Variants in GLIS3 observed in about 807,000 individuals in gnomAD.
The protein encoded by GLIS3 is GLIS family zinc finger 3.
In GLIS3, 53 loss-of-function variants were observed where a neutral mutation model predicts 78.6. The observed-to-expected ratio is 0.67, with a 90% CI of 0.54 to 0.85. The LOEUF is 0.85. Among genes scored for constraint, GLIS3 ranks in the 40% least tolerant of loss-of-function variants. GLIS3 has a pLI of 0.00. For synonymous variants in GLIS3, 684 were observed against 509.9 expected (o/e 1.34, Z -4.60); for missense variants, 1,703 against 1,231.1 (o/e 1.38, Z -5.74).
chr9:4,452,485 C>G, the GLIS3 span, among the ~76,000 whole-genome samples: 1 of 152,176 alleles, frequency 6.6e-6, no homozygotes, highest in African/African-American at 2.4e-5. Flanking sequence ...TCTCGGGATA[C>G]AAACTCAATG....
At chr9:4,081,014 G>A (rs866698492) in intron 4 of GLIS3, among the ~76,000 whole-genome samples, 3 of 152,188 alleles carry the variant, frequency 2.0e-5, no homozygotes, top group East Asian at 1.9e-4. Flanking sequence ...TCCACAGGGC[G>A]TTTTTCCAGT....
At chr9:3,994,027 C>T (rs1180047762) in intron 4 of GLIS3, among the ~76,000 whole-genome samples, 2 of 152,196 alleles carry the variant, frequency 1.3e-5, no homozygotes, top group East Asian at 1.9e-4. Context: ...CAGATTTCTG[C>T]GTCCCACCCT....
At chr9:4,074,789 G>A (rs1827908485) in intron 4 of GLIS3, among the ~76,000 whole-genome samples, 1 of 152,140 alleles carries the variant, frequency 6.6e-6, no homozygotes, top group African/African-American at 2.4e-5. Flanking sequence ...CACTTCCAAA[G>A]CCACCATGAT....
At chr9:4,090,214 T>C (rs996552632) in intron 4 of GLIS3, among the ~76,000 whole-genome samples, 1 of 152,126 alleles carries the variant, frequency 6.6e-6, no homozygotes, top group African/African-American at 2.4e-5. Context: ...CTGTCCTCAT[T>C]ATCTTTTGGG....
chr9:4,205,037 G>C (rs913976053), intron 2 of GLIS3, among the ~76,000 whole-genome samples: 1 of 151,916 alleles, frequency 6.6e-6, no homozygotes, highest in African/African-American at 2.4e-5. Flanking sequence ...TTAGCTGGGC[G>C]TGGTGGTTCA....
intron 4 of GLIS3, among the ~76,000 whole-genome samples, chr9:4,043,416 A>C (rs1416613602): frequency 6.6e-6 from 1 of 151,936 alleles, no homozygotes; most frequent in East Asian, 1.9e-4. Flanking sequence ...AGCAGTTCTG[A>C]TTGAGCTGTG....
intron 4 of GLIS3, among the ~76,000 whole-genome samples, chr9:4,039,392 A>ATC (rs904289583): frequency 2.6e-5 from 4 of 151,874 alleles, no homozygotes; most frequent in African/African-American, 9.7e-5. Flanking sequence ...GTATCCAAGC[A>ATC]TCTCTCTCTC....
chr9:4,072,019 T>C (rs78664939), intron 4 of GLIS3: 1 of 152,170 alleles, frequency 6.6e-6, no homozygotes, highest in African/African-American at 2.4e-5. Flanking sequence ...CTGTACAACA[T>C]AAAAGATGGA....
chr9:4,255,996 A>G (rs910898862), intron 2 of GLIS3, among the ~76,000 whole-genome samples: 6 of 152,168 alleles, frequency 3.9e-5, no homozygotes, highest in Admixed American at 2.0e-4. Flanking sequence ...CTGTTGCTCA[A>G]TTTTGCTGTG....
At position 4,087,951 on chromosome 9, in the gene GLIS3, T is replaced by C. The variant is rs1025388581; in HGVS notation, c.1710+29817A>G. On this transcript the variant is annotated intron_variant, in intron 4 of 10. Transcript: ENST00000381971. Reference sequence around the variant, plus strand: ...ATTATGGTTAGTTATGTACATGGATTGGCCCCCAATGAACTTTAGACTTCC... The same window carrying C: ...ATTATGGTTAGTTATGTACATGGATCGGCCCCCAATGAACTTTAGACTTCC... Among the ~76,000 whole-genome samples the C allele has an allele frequency of 1.3e-5, 2 of 152,226 alleles. 1 individual carries two copies. Among genetic ancestry groups the C allele is most frequent in the African/African-American group, 4.8e-5 (2 of 41,458 alleles).
intron 4 of GLIS3, among the ~76,000 whole-genome samples, chr9:4,047,710 C>T (rs937632023): frequency 3.9e-5 from 6 of 152,088 alleles, no homozygotes; most frequent in African/African-American, 9.7e-5. Context: ...AGGTGGGAGT[C>T]GGCTCAGTGT....
chr9:4,157,383 TG>T (rs1835117939), intron 2 of GLIS3, among the ~76,000 whole-genome samples: 1 of 152,190 alleles, frequency 6.6e-6, no homozygotes, highest in African/African-American at 2.4e-5. Context: ...GGCACGATTT[TG>T]CATGTAGTTG....
the GLIS3 span, among the ~76,000 whole-genome samples, chr9:4,385,051 G>A: frequency 1.3e-5 from 2 of 152,182 alleles, no homozygotes; most frequent in Non-Finnish European, 2.9e-5. Context: ...TAAAACAATA[G>A]TGGAGCAATA....
chr9:4,416,256 A>ATTT, the GLIS3 span, among the ~76,000 whole-genome samples: 2 of 145,636 alleles, frequency 1.4e-5, no homozygotes, highest in African/African-American at 2.5e-5. Context: ...TGTTTTTAAA[A>ATTT]AAAAAAAAAA....
At chr9:4,397,144 G>A in the GLIS3 span, among the ~76,000 whole-genome samples, 17 of 138,138 alleles carry the variant, frequency 1.2e-4, no homozygotes, top group Admixed American at 7.2e-4. Flanking sequence ...TCCTGCCTCA[G>A]CCTCCCGAGT....
At chr9:3,953,784 T>TA in intron 4 of GLIS3, among the ~76,000 whole-genome samples, 1 of 40,756 alleles carries the variant, frequency 2.5e-5, no homozygotes, top group African/African-American at 9.2e-5. Context: ...TCTCTCTCTC[T>TA]CTCTCTCTCT....
At chr9:4,299,018 A>G (rs189774571) in intron 1 of GLIS3, among the ~76,000 whole-genome samples, 1 of 152,066 alleles carries the variant, frequency 6.6e-6, no homozygotes, top group African/African-American at 2.4e-5. Flanking sequence ...GGGACTCCAG[A>G]GTGGTGCGCC....
At chr9:4,207,197 C>T (rs940269331) in intron 2 of GLIS3, among the ~76,000 whole-genome samples, 1 of 152,170 alleles carries the variant, frequency 6.6e-6, no homozygotes, top group Non-Finnish European at 1.5e-5. Context: ...CCTCCCCTCC[C>T]GACACAGAGC....
At chr9:3,911,988 G>C (rs1457738573) in intron 6 of GLIS3, among the ~76,000 whole-genome samples, 2 of 152,142 alleles carry the variant, frequency 1.3e-5, no homozygotes, top group African/African-American at 2.4e-5. Flanking sequence ...CATGGCAAGA[G>C]GAAAAGGATG....
Sources: allele counts gnomAD v4.1 joint callset (sites outside exome capture counted in the v4.1 genomes callset), GRCh38; gene constraint gnomAD v4.1.1; transcripts MANE v1.5; gene names NCBI Gene and HGNC (gene_info 2026-07-23, HGNC 2026-07-21).